Variants in MYH15 observed in about 807,000 individuals in gnomAD.
The protein encoded by MYH15 is myosin-15.
A neutral mutation model predicts 240.5 loss-of-function variants in MYH15; 227 were observed. That is an observed-to-expected ratio of 0.94 (90% CI 0.85 to 1.05). The LOEUF (loss-of-function observed/expected upper bound fraction) is 1.05, where lower values mean the gene tolerates loss of function less well. Ranked by LOEUF, MYH15 falls within the 50% of genes least tolerant of loss-of-function variation. The pLI is 0.00. For missense variants in MYH15, 2,217 were observed against 2,247.5 expected (o/e 0.99, Z 0.27); for synonymous variants, 785 against 796.7 (o/e 0.99, Z 0.25).
intron 14 of MYH15, among the ~76,000 whole-genome samples, chr3:108,468,958 C>T (rs1438633921): frequency 6.6e-6 from 1 of 152,188 alleles, no homozygotes; most frequent in Non-Finnish European, 1.5e-5. Context: ...CATACCACAT[C>T]ATAGTTGGTT....
At chr3:108,431,247 A>G (rs2082776955) in intron 25 of MYH15, among the ~76,000 whole-genome samples, 1 of 152,218 alleles carries the variant, frequency 6.6e-6, no homozygotes, top group Admixed American at 6.5e-5. Flanking sequence ...CAATGATTAT[A>G]CCTACATCTG....
At chr3:108,442,495 G>C (rs897954627) in intron 22 of MYH15, among the ~76,000 whole-genome samples, 28 of 152,170 alleles carry the variant, frequency 1.8e-4, no homozygotes, top group African/African-American at 6.8e-4. Flanking sequence ...GTTCACCCCA[G>C]GTTGACAAGC....
rs777324136 is a variant in MYH15, at chr3:108,428,832, C to T, written c.3362G>A (p.Arg1121Gln). The stretch of plus-strand genomic sequence containing the variant: ...AGCTCTCTCCCTTTCCATCTTGGCT[C>T]GAGTGGTCCTTTCAGCTTCTAGTTT... The part of the protein sequence containing the change: ...KEKLEAERTT[R>Q]AKMERERADL... Residue 1121 changes from arginine (R) to glutamine (Q), a missense_variant, in exon 27 of 41, where the codon CGA becomes CAA. By Grantham distance (43) the Arg-to-Gln change is conservative (BLOSUM62 1). Coordinates refer to ENST00000693548, the MANE Select transcript of MYH15 (RefSeq NM_014981.3). The T allele has an allele frequency of 5.0e-6, 8 of 1,613,286 alleles. No individual in the cohort carries two copies. The Admixed American group carries it at 5.0e-5, about 10-fold the overall frequency.
At chr3:108,532,587 C>A (rs75827093), upstream of MYH15, among the ~76,000 whole-genome samples, 2 of 152,296 alleles carry the variant, frequency 1.3e-5, no homozygotes, top group East Asian at 3.9e-4. Context: ...CCTTCATAAT[C>A]ATGTAAGCCA....
intron 17 of MYH15, among the ~76,000 whole-genome samples, 190 bp from the exon 18 acceptor site, chr3:108,459,639 T>C (rs1053005522): frequency 9.2e-5 from 14 of 152,206 alleles, no homozygotes; most frequent in Non-Finnish European, 1.8e-4. Flanking sequence ...GGCAAGTCAA[T>C]ATTTATTTGA....
the MYH15 span, among the ~76,000 whole-genome samples, chr3:108,549,142 A>G: frequency 1.1e-4 from 17 of 152,038 alleles, no homozygotes; most frequent in Admixed American, 3.3e-4. Context: ...ATAATGATGC[A>G]CTTCCTAAGT....
At chr3:108,427,922 C>T (rs951261629) in intron 27 of MYH15, among the ~76,000 whole-genome samples, 2 of 152,138 alleles carry the variant, frequency 1.3e-5, no homozygotes, top group African/African-American at 4.8e-5. Flanking sequence ...AAGACAGGGT[C>T]GCTGATTTCG....
At chr3:108,518,367 T>C (rs775778575) in intron 1 of MYH15, among the ~76,000 whole-genome samples, 1 of 152,146 alleles carries the variant, frequency 6.6e-6, no homozygotes, top group Non-Finnish European at 1.5e-5. Context: ...ACCATCTCCA[T>C]CTTTCCATCA....
At chr3:108,535,698 GT>G in the MYH15 span, among the ~76,000 whole-genome samples, 1 of 152,056 alleles carries the variant, frequency 6.6e-6, no homozygotes, top group Non-Finnish European at 1.5e-5. Context: ...GCTATAGAGT[GT>G]TTTTTGGGGG....
intron 11 of MYH15, among the ~76,000 whole-genome samples, chr3:108,481,473 T>G (rs577141255): frequency 1.3e-5 from 2 of 152,186 alleles, no homozygotes; most frequent in South Asian, 4.1e-4. Context: ...ATGAATGACA[T>G]GAAGAAAAAT....
At chr3:108,472,232 A>G (rs1284079959) in intron 12 of MYH15, among the ~76,000 whole-genome samples, 2 of 152,204 alleles carry the variant, frequency 1.3e-5, no homozygotes, top group East Asian at 1.9e-4. Context: ...CATAACTCCA[A>G]TAGCGCTGCT....
chr3:108,514,865 G>T (rs1455456074), upstream of MYH15, among the ~76,000 whole-genome samples: 2 of 152,108 alleles, frequency 1.3e-5, no homozygotes, highest in East Asian at 3.9e-4. Flanking sequence ...CAATGGAAGG[G>T]TCTCATCCTG....
chr3:108,534,487 C>T, the MYH15 span, among the ~76,000 whole-genome samples: 2 of 152,102 alleles, frequency 1.3e-5, no homozygotes, highest in Non-Finnish European at 2.9e-5. Flanking sequence ...TTTGTCTCAA[C>T]TTTTTATCAT....
At chr3:108,426,273 A>G (rs2082724468) in intron 27 of MYH15, among the ~76,000 whole-genome samples, 2 of 152,070 alleles carry the variant, frequency 1.3e-5, no homozygotes, top group Admixed American at 6.5e-5. Context: ...AGGGATAGAA[A>G]GAAGACAGGT....
intron 15 of MYH15, 98 bp downstream of exon 15, chr3:108,464,540 A>G: frequency 1.6e-6 from 2 of 1,213,236 alleles, no homozygotes; most frequent in South Asian, 1.5e-5. Context: ...CTCTTCATTT[A>G]ATCTAAACAT....
At chr3:108,417,901 A>G (rs1250300283) in intron 28 of MYH15, among the ~76,000 whole-genome samples, 1 of 152,168 alleles carries the variant, frequency 6.6e-6, no homozygotes, top group Non-Finnish European at 1.5e-5. Flanking sequence ...ATCACATCGC[A>G]TACAATATTT....
intron 12 of MYH15, among the ~76,000 whole-genome samples, chr3:108,475,034 T>C (rs1176351788): frequency 6.6e-6 from 1 of 152,188 alleles, no homozygotes; most frequent in Non-Finnish European, 1.5e-5. Flanking sequence ...GTAAGCTAAA[T>C]TAATAAATTG....
Position 108,430,892 on chromosome 3 carries a change from T to G in MYH15, c.3252A>C (p.Ser1084=), listed in dbSNP as rs1407535467. 6.2e-7 allele frequency: 1 copy of G among 1,611,900 alleles called. No homozygotes were observed. Among genetic ancestry groups the G allele is most frequent in the East Asian group, 2.2e-5 (1 of 44,842 alleles). Residue 1084 remains serine (S), a synonymous_variant, in exon 26 of 41, where the codon TCA becomes TCC. Transcript: ENST00000693548. ...CCAGGCCTTTCTCATTCTCCACTTT[T>G]GAATTCATCTGACTCAATTCTAATT... ...KKELELSQMN[S]KVENEKGLVA...
intron 21 of MYH15, among the ~76,000 whole-genome samples, chr3:108,450,718 A>G (rs1466995440): frequency 6.6e-6 from 1 of 152,214 alleles, no homozygotes; most frequent in Non-Finnish European, 1.5e-5. Context: ...CACACAAAAG[A>G]TAACTTTGTA....
Sources: gnomAD v4.1 joint callset for allele counts (sites outside exome capture counted in the v4.1 genomes callset) on GRCh38, gnomAD v4.1.1 for gene constraint, MANE v1.5 for transcripts, NCBI Gene and HGNC (gene_info 2026-07-23, HGNC 2026-07-21) for gene names.